The following HEATR1 variants were observed in gnomAD, a reference collection of about 807,000 sequenced individuals.
HEATR1 encodes HEAT repeat-containing protein 1.
HEATR1 carries 77 observed loss-of-function variants against 248.2 expected under a neutral mutation model. The ratio of observed to expected loss-of-function variants is 0.31; its 90% confidence interval spans 0.26 to 0.37. HEATR1 has a LOEUF of 0.37. Ranked by LOEUF, HEATR1 falls within the 10% of genes least tolerant of loss-of-function variation. HEATR1 has a pLI of 1.00. For missense variants in HEATR1, 2,420 were observed against 2,504.9 expected, an observed-to-expected ratio of 0.97 and a Z score of 0.72; for synonymous variants, 897 against 923.1, an observed-to-expected ratio of 0.97 and a Z score of 0.51.
At chr1:236,562,970 C>T (rs564089115) in intron 32 of HEATR1, among the ~76,000 whole-genome samples, 3 of 152,202 alleles carry the variant, frequency 2.0e-5, no homozygotes, top group Middle Eastern at 3.2e-3. Context: ...TTCAGCCAGC[C>T]TGCTTGATAC....
At chr1:236,568,535 C>G (rs1164206040) in intron 29 of HEATR1, among the ~76,000 whole-genome samples, 1 of 152,196 alleles carries the variant, frequency 6.6e-6, no homozygotes, top group East Asian at 1.9e-4. Context: ...TCTCACCTCT[C>G]TCTCTGAGTT....
At chr1:236,584,194 T>C (rs16833979) in intron 17 of HEATR1, among the ~76,000 whole-genome samples, 8,405 of 152,198 alleles carry the variant, frequency 0.055, 304 homozygotes, top group East Asian at 0.14. Flanking sequence ...GTTATCTACA[T>C]ATGTATAATA....
intron 24 of HEATR1, among the ~76,000 whole-genome samples, chr1:236,573,289 G>A (rs1469651889): frequency 6.6e-6 from 1 of 152,134 alleles, no homozygotes; most frequent in Middle Eastern, 3.4e-3. Context: ...TCCAAGTGCC[G>A]GATCAGATAT....
At chr1:236,599,664 TTAA>T (rs1664265332) in intron 3 of HEATR1, 40 bp from the exon 4 acceptor site, 1 of 1,552,910 alleles carries the variant, frequency 6.4e-7, no homozygotes, top group Non-Finnish European at 8.7e-7. Flanking sequence ...AACACAAAAC[TTAA>T]TAATAAGCAC....
chr1:236,555,251 G>A (rs1427492847), intron 41 of HEATR1, 45 bp downstream of exon 41: 1 of 1,591,432 alleles, frequency 6.3e-7, no homozygotes. Flanking sequence ...CCTTGTATAA[G>A]GCACACAGGG....
chr1:236,588,604 G>C (rs1228132905), intron 12 of HEATR1, among the ~76,000 whole-genome samples: 3 of 152,158 alleles, frequency 2.0e-5, no homozygotes, highest in Non-Finnish European at 4.4e-5. Context: ...ACAAGGATAA[G>C]GACATGTACT....
rs770301799 is a variant in HEATR1, at chr1:236,572,442, A to G, written c.3676T>C (p.Leu1226=). 16 of 1,613,996 alleles carry G rather than the reference A, an allele frequency of 9.9e-6. No individual in the cohort carries two copies. The highest frequency in any genetic ancestry group is 1.3e-5 in the Non-Finnish European group (15 of 1,179,968). ...AGCAAGTTAAAAAGAGTTGGCACCA[A>G]TATCTGAGGACTTCTGAGCTTCTTT... ...HKKKLRSPQI[L]VPTLFNLLSR... is the part of the protein sequence containing the mutation. Residue 1226 remains leucine (L), a synonymous_variant, in exon 26 of 45, where the codon TTG becomes CTG. Coordinates refer to ENST00000366582, the MANE Select transcript of HEATR1 (RefSeq NM_018072.6).
chr1:236,560,350 C>A (rs184278673), intron 33 of HEATR1, among the ~76,000 whole-genome samples: 2 of 151,778 alleles, frequency 1.3e-5, no homozygotes, highest in African/African-American at 2.4e-5. Flanking sequence ...AAAAAGACTA[C>A]AAACTTCAAA....
At chr1:236,561,750 A>T (rs1238225965) in intron 32 of HEATR1, among the ~76,000 whole-genome samples, 1 of 152,226 alleles carries the variant, frequency 6.6e-6, no homozygotes, top group East Asian at 1.9e-4. Flanking sequence ...CTGGAAACAT[A>T]TTTTTGAGAT....
At chr1:236,603,014 G>T in intron 3 of HEATR1, 146 bp downstream of exon 3, 1 of 615,528 alleles carries the variant, frequency 1.6e-6, no homozygotes, top group South Asian at 2.1e-5. Context: ...AGGCAGAAGA[G>T]CATGCTTATC....
chr1:236,588,127 G>C, intron 12 of HEATR1, 84 bp from the exon 13 acceptor site: 2 of 964,650 alleles, frequency 2.1e-6, no homozygotes, highest in South Asian at 3.3e-5. Context: ...ATGGTTTTGT[G>C]AAAAACACTC....
Position 236,582,802 on chromosome 1 carries a change from C to G in HEATR1, c.2496G>C (p.Leu832=). ...SRDYLHLLIG[L]FEMMLNGADA... ...CGGCACCATTGAGCATCATCTCAAA[C>G]AGCCCAATGAGCAAGTGCAGATAGT... is the stretch of plus-strand genomic sequence containing the variant. The change falls in exon 19 of 45, where the codon CTG becomes CTC. Residue 832 remains leucine (L), a synonymous_variant. Transcript: ENST00000366582. 1 of 1,614,122 alleles carries G rather than the reference C, an allele frequency of 6.2e-7. No homozygotes were observed.
At position 236,564,862 on chromosome 1, in the gene HEATR1, G is replaced by T. The variant is rs540061524; in HGVS notation, c.4436-201C>A. ...GTATTTGCCAAGAAAGTACCCAGTGGCCCTGAGAAGCGAGTGTTTAAGACA... is the reference window on the plus strand; with the variant it reads ...GTATTTGCCAAGAAAGTACCCAGTGTCCCTGAGAAGCGAGTGTTTAAGACA... On this transcript the variant is annotated intron_variant, in intron 31 of 44. Transcript: ENST00000366582. 9.2e-5 allele frequency among the ~76,000 whole-genome samples: 14 copies of T among 152,292 alleles called. No individual in the cohort carries two copies. In the South Asian group the frequency reaches 2.5e-3, roughly 27 times the overall value.
chr1:236,557,345 G>C lies in HEATR1; in HGVS notation c.5205C>G (p.Ser1735Arg). ...LEALAIPQLP[S>R]LMPSLLTTMK... ...TTGTTGTCAGCAACGATGGCATCAG[G>C]CTAGAAACAAAGTAAGAGCTTTAGA... Residue 1735 changes from serine (S) to arginine (R), a missense_variant and splice_region_variant, in exon 37 of 45, where the codon AGC becomes AGG. By Grantham distance (110) the Ser-to-Arg change is moderately radical. Transcript: ENST00000366582. 6.2e-7 allele frequency: 1 copy of C among 1,613,756 alleles called. No homozygotes were observed. The highest frequency in any genetic ancestry group is 1.1e-5 in the South Asian group (1 of 91,040).
chr1:236,585,006 G>A lies in HEATR1; in HGVS notation c.2241+19C>T. On this transcript the variant is annotated intron_variant, in intron 17 of 44. Coordinates refer to ENST00000366582, the MANE Select transcript of HEATR1 (RefSeq NM_018072.6). ...GTTTTATTCAACATCCCACTTTCTG[G>A]AGATTCTGCTTTCCTTACCACTGCA... The A allele has an allele frequency of 6.3e-7, 1 of 1,593,346 alleles. No homozygotes were observed. The highest frequency in any genetic ancestry group is 8.5e-7 in the Non-Finnish European group (1 of 1,171,356).
At chr1:236,557,044 A>G (rs1662997004) in intron 37 of HEATR1, 151 bp downstream of exon 37, 1 of 794,180 alleles carries the variant, frequency 1.3e-6, no homozygotes. Context: ...AAAAGTACAC[A>G]TTTAATAAAA....
Position 236,581,298 on chromosome 1 carries a change from A to T in HEATR1, c.2679T>A (p.Ala893=). Reference sequence around the variant, plus strand: ...AAAGCATTGCACAGCCCACATAAAGAGCTTGAGTCTGCAGCACTGTTTTCA... The same window carrying T: ...AAAGCATTGCACAGCCCACATAAAGTGCTTGAGTCTGCAGCACTGTTTTCA... The part of the protein sequence containing the change: ...CSVKTVLQTQ[A]LYVGCAMLSS... Residue 893 remains alanine (A), a synonymous_variant, in exon 20 of 45, where the codon GCT becomes GCA. Transcript: ENST00000366582. 2 of 1,613,678 alleles carry T rather than the reference A, an allele frequency of 1.2e-6. No homozygotes were observed. The highest frequency in any genetic ancestry group is 1.7e-6 in the Non-Finnish European group (2 of 1,179,900).
chr1:236,565,866 GT>G (rs1482955217), intron 31 of HEATR1, 52 bp downstream of exon 31: 17 of 1,553,998 alleles, frequency 1.1e-5, no homozygotes, highest in Non-Finnish European at 1.1e-5. Flanking sequence ...ATTCTCTTCT[GT>G]TTCTCTTTAG....
chr1:236,598,979 T>C (rs551306567), intron 4 of HEATR1, among the ~76,000 whole-genome samples: 1 of 152,240 alleles, frequency 6.6e-6, no homozygotes, highest in Non-Finnish European at 1.5e-5. Context: ...TCTTAGTCTG[T>C]AAATTAACTC....
Sources: allele counts gnomAD v4.1 joint callset (sites outside exome capture counted in the v4.1 genomes callset), GRCh38; gene constraint gnomAD v4.1.1; transcripts MANE v1.5; gene names NCBI Gene and HGNC (gene_info 2026-07-23, HGNC 2026-07-21).